Variants in CCR5AS observed in about 807,000 individuals in gnomAD.
CCR5AS encodes CCR5 antisense RNA.
chr3:46,373,078 A>G, intron 2 of CCR5AS: 1 of 1,614,152 alleles, frequency 6.2e-7, no homozygotes, highest in Non-Finnish European at 8.5e-7. Context: ...ATAAACTGCA[A>G]AAGGCTGAAG....
intron 2 of CCR5AS, among the ~76,000 whole-genome samples, chr3:46,380,857 T>C (rs2106760609): frequency 6.6e-6 from 1 of 152,322 alleles, no homozygotes; most frequent in Admixed American, 6.5e-5. Context: ...CCCAGGTGAT[T>C]CTAAGTGTAG....
intron 1 of CCR5AS, among the ~76,000 whole-genome samples, chr3:46,396,626 G>T (rs1701964202): frequency 6.6e-6 from 1 of 152,206 alleles, no homozygotes; most frequent in African/African-American, 2.4e-5. Context: ...GCCTGCCCAG[G>T]CAATGCCCCC....
intron 1 of CCR5AS, among the ~76,000 whole-genome samples, chr3:46,394,751 G>C (rs1045658292): frequency 3.3e-5 from 5 of 152,180 alleles, no homozygotes; most frequent in Non-Finnish European, 5.9e-5. Context: ...CGGTGTGTGA[G>C]AAAATGTAGG....
At chr3:46,385,096 G>A (rs550302388) in intron 2 of CCR5AS, among the ~76,000 whole-genome samples, 207 of 152,244 alleles carry the variant, frequency 1.4e-3, no homozygotes, top group East Asian at 4.6e-3. Context: ...TGGTGAAGGG[G>A]AACAAGGAGT....
chr3:46,372,845 A>G, intron 2 of CCR5AS: 1 of 1,384,842 alleles, frequency 7.2e-7, no homozygotes. Context: ...AGGGCAACTA[A>G]ATACATTCTA....
chr3:46,383,056 G>T (rs533223046), intron 2 of CCR5AS, among the ~76,000 whole-genome samples: 2 of 152,182 alleles, frequency 1.3e-5, no homozygotes, highest in African/African-American at 4.8e-5. Context: ...TTCAGATTAG[G>T]ATGTGCTCCC....
intron 1 of CCR5AS, among the ~76,000 whole-genome samples, chr3:46,403,421 T>A (rs1217717448): frequency 6.6e-6 from 1 of 152,160 alleles, no homozygotes; most frequent in Non-Finnish European, 1.5e-5. Flanking sequence ...AAACCACACA[T>A]GAACATTAAA....
intron 1 of CCR5AS, among the ~76,000 whole-genome samples, chr3:46,403,798 C>T (rs974615922): frequency 6.6e-6 from 1 of 152,174 alleles, no homozygotes; most frequent in Non-Finnish European, 1.5e-5. Flanking sequence ...CAGTAGGGTG[C>T]CAGCAAAAGT....
intron 2 of CCR5AS, among the ~76,000 whole-genome samples, chr3:46,388,051 G>A (rs1701878106): frequency 3.9e-5 from 6 of 152,186 alleles, no homozygotes; most frequent in Admixed American, 3.9e-4. Context: ...TTCTTCAGTT[G>A]CTTCAGGCCA....
downstream of CCR5AS, among the ~76,000 whole-genome samples, chr3:46,364,314 G>T (rs561371798): frequency 3.9e-5 from 6 of 152,194 alleles, no homozygotes; most frequent in African/African-American, 1.4e-4. Flanking sequence ...TGTAAATCCT[G>T]GTGTCATTAA....
chr3:46,404,297 TTC>T (rs149336611), intron 1 of CCR5AS, among the ~76,000 whole-genome samples: 974 of 71,084 alleles, frequency 0.014, 13 homozygotes, highest in Non-Finnish European at 0.019. Flanking sequence ...CAGCAAGGCT[TTC>T]TCTCTCTCTC....
chr3:46,379,111 G>A (rs71327058), intron 2 of CCR5AS, among the ~76,000 whole-genome samples: 44,060 of 147,706 alleles, frequency 0.3, 7,485 homozygotes, highest in East Asian at 0.55. Context: ...ATGCTGGTGC[G>A]CTGCACCCAC....
At chr3:46,401,249 G>C (rs1702003734) in intron 1 of CCR5AS, among the ~76,000 whole-genome samples, 1 of 152,220 alleles carries the variant, frequency 6.6e-6, no homozygotes, top group Non-Finnish European at 1.5e-5. Context: ...TGGGAGGTAA[G>C]AAGAAAGGGA....
chr3:46,401,385 T>C (rs1702004769), intron 1 of CCR5AS, among the ~76,000 whole-genome samples: 1 of 152,234 alleles, frequency 6.6e-6, no homozygotes, highest in Non-Finnish European at 1.5e-5. Context: ...AGGTGGGGTC[T>C]GGCATACAAG....
intron 2 of CCR5AS, among the ~76,000 whole-genome samples, chr3:46,387,958 C>A (rs895529995): frequency 2.0e-5 from 3 of 152,018 alleles, no homozygotes; most frequent in Admixed American, 1.3e-4. Context: ...GTCAACTGAT[C>A]AGTTAGGGTG....
intron 2 of CCR5AS, chr3:46,375,210 C>T (rs1701736133): frequency 6.0e-6 from 1 of 167,036 alleles, no homozygotes; most frequent in Non-Finnish European, 1.5e-5. Context: ...TCCTTCCCAT[C>T]CCAGCTGAAA....
chr3:46,364,593 T>C (rs147691308), exon 4 of CCR5AS, among the ~76,000 whole-genome samples: 2,334 of 152,096 alleles, frequency 0.015, 66 homozygotes, highest in African/African-American at 0.053. Context: ...GACTTTCAAG[T>C]CTTATTAAGA....
At chr3:46,376,158 A>T (rs1187807384) in intron 2 of CCR5AS, 2 of 166,952 alleles carry the variant, frequency 1.2e-5, no homozygotes, top group South Asian at 4.1e-4. Context: ...AAAGTTACAA[A>T]TTGCTTGAAA....
intron 2 of CCR5AS, among the ~76,000 whole-genome samples, chr3:46,384,519 C>T (rs971827177): frequency 1.3e-5 from 2 of 152,152 alleles, no homozygotes; most frequent in Non-Finnish European, 2.9e-5. Context: ...TTGGGGGCTG[C>T]TTTTCATTAA....
Sources: gnomAD v4.1 joint callset for allele counts (sites outside exome capture counted in the v4.1 genomes callset) on GRCh38, gnomAD v4.1.1 for gene constraint, MANE v1.5 for transcripts, NCBI Gene and HGNC (gene_info 2026-07-23, HGNC 2026-07-21) for gene names.